CDC73: variants seen among roughly 807,000 people sequenced by gnomAD.
CDC73 encodes parafibromin.
In CDC73, 21 loss-of-function variants were observed where a neutral mutation model predicts 83.7. The ratio of observed to expected loss-of-function variants is 0.25; its 90% CI spans 0.18 to 0.36. The LOEUF (loss-of-function observed/expected upper bound fraction) is 0.36, where lower values mean the gene tolerates loss of function less well. Among genes scored for constraint, CDC73 ranks in the 10% least tolerant of loss-of-function variants. CDC73 has a pLI of 1.00. For missense variants in CDC73, 342 were observed against 653.3 expected (o/e 0.52, Z 5.19); for synonymous variants, 224 against 212.9 (o/e 1.05, Z -0.45).
chr1:193,169,266 TG>T (rs759156819), intron 10 of CDC73, among the ~76,000 whole-genome samples: 33 of 152,126 alleles, frequency 2.2e-4, no homozygotes, highest in Non-Finnish European at 3.1e-4. Flanking sequence ...AGAATGATGC[TG>T]GGTATGGTGG....
At chr1:193,231,446 C>A (rs1348193970) in intron 13 of CDC73, among the ~76,000 whole-genome samples, 1 of 152,136 alleles carries the variant, frequency 6.6e-6, no homozygotes, top group Non-Finnish European at 1.5e-5. Context: ...ATTGCACATA[C>A]TATTAAAACA....
At chr1:193,129,177 T>G (rs1244342720) in intron 2 of CDC73, among the ~76,000 whole-genome samples, 1 of 152,020 alleles carries the variant, frequency 6.6e-6, no homozygotes. Flanking sequence ...TTTGTAGTTT[T>G]AGTAGAGATG....
chr1:193,192,501 TA>T (rs1676935986), intron 10 of CDC73, among the ~76,000 whole-genome samples: 1 of 152,154 alleles, frequency 6.6e-6, no homozygotes, highest in Non-Finnish European at 1.5e-5. Flanking sequence ...TTTTTTTTCC[TA>T]AAGGGCTTTT....
chr1:193,143,272 A>T (rs1169956646), intron 7 of CDC73, among the ~76,000 whole-genome samples: 1 of 152,166 alleles, frequency 6.6e-6, no homozygotes, highest in Non-Finnish European at 1.5e-5. Flanking sequence ...CATTTTTGCT[A>T]TTTACAACAA....
At chr1:193,162,374 A>T (rs1676353954) in intron 10 of CDC73, among the ~76,000 whole-genome samples, 1 of 140,416 alleles carries the variant, frequency 7.1e-6, no homozygotes, top group South Asian at 2.1e-4. Context: ...TAGTGTATAT[A>T]TATATATACA....
intron 10 of CDC73, among the ~76,000 whole-genome samples, chr1:193,177,930 ATCT>A (rs1676639137): frequency 6.6e-6 from 1 of 152,162 alleles, no homozygotes; most frequent in Non-Finnish European, 1.5e-5. Flanking sequence ...TGGTGTTTTC[ATCT>A]TCTTAAGTAC....
chr1:193,251,765 A>T lies in CDC73; in HGVS notation c.*1053A>T, dbSNP rs1391962719. On this transcript the variant is annotated 3_prime_UTR_variant, in exon 17 of 17. Transcript: ENST00000367435. The stretch of plus-strand genomic sequence containing the variant: ...ATATTTTAACTTAGTGAAATATTTT[A>T]CTATTTCTCTACTTCAGACAAAATG... The T allele has an allele frequency of 4.3e-6, 1 of 231,914 alleles. No individual in the cohort carries two copies. Among genetic ancestry groups the T allele is most frequent in the African/African-American group, 2.2e-5 (1 of 45,258 alleles). The allele number at this position is 231,914 out of a possible 1,614,324, so 14.4% of individuals were successfully genotyped here.
intron 13 of CDC73, among the ~76,000 whole-genome samples, chr1:193,225,161 A>G (rs1677544676): frequency 6.6e-6 from 1 of 151,514 alleles, no homozygotes; most frequent in African/African-American, 2.4e-5. Flanking sequence ...GAGTTACTTC[A>G]CTTAGGCTGA....
rs780001207 is a variant in CDC73 at position 193,250,831 on chromosome 1, C to A, written c.*119C>A. 1.6e-5 allele frequency: 15 copies of A among 933,518 alleles called. No homozygotes were observed. The highest frequency in any genetic ancestry group is 2.6e-5 in the Non-Finnish European group (15 of 581,482). The allele number at this position is 933,518 out of a possible 1,614,324, so 57.8% of individuals were successfully genotyped here. On this transcript the variant is annotated 3_prime_UTR_variant, in exon 17 of 17. Transcript: ENST00000367435. ...ATAAGACCTTATTTGATGCTTTGTG[C>A]TTCAAGGAGATGATACCTGTCATCC...
At chr1:193,148,253 CATT>C (rs1676044102) in intron 8 of CDC73, among the ~76,000 whole-genome samples, 1 of 152,196 alleles carries the variant, frequency 6.6e-6, no homozygotes, top group Non-Finnish European at 1.5e-5. Flanking sequence ...CTGGCCTACT[CATT>C]GTTGCTTGGG....
rs1190069611 is a variant in CDC73 at position 193,253,718 on chromosome 1, A to G, written c.*3006A>G. On this transcript the variant is annotated 3_prime_UTR_variant, in exon 17 of 17. Transcript: ENST00000367435. The stretch of plus-strand genomic sequence containing the variant: ...ATTTTTAAGGCAGAAAGAAGTATTA[A>G]TTTTTGATCTGCCATGTAGAATGAG... 2 of 231,506 alleles carry G rather than the reference A, an allele frequency of 8.6e-6. No individual in the cohort carries two copies. The highest frequency in any genetic ancestry group is 4.4e-5 in the African/African-American group (2 of 45,284). 14.3% of individuals were successfully genotyped at this position (231,506 alleles called of 1,614,324 possible). A position where few individuals can be genotyped will look rare whatever the true frequency, so the allele number is the denominator to read the frequency against.
At chr1:193,134,198 A>T (rs1361654346) in intron 3 of CDC73, among the ~76,000 whole-genome samples, 1 of 152,048 alleles carries the variant, frequency 6.6e-6, no homozygotes, top group African/African-American at 2.4e-5. Flanking sequence ...ACTTGCCATT[A>T]TATATAATAT....
chr1:193,129,887 G>C (rs1041114622), intron 2 of CDC73, among the ~76,000 whole-genome samples: 1 of 151,742 alleles, frequency 6.6e-6, no homozygotes, highest in Non-Finnish European at 1.5e-5. Context: ...TAGTCATTTT[G>C]TTCAAATGTG....
intron 14 of CDC73, among the ~76,000 whole-genome samples, chr1:193,233,408 T>G (rs1450643288): frequency 1.3e-5 from 2 of 152,210 alleles, no homozygotes; most frequent in Non-Finnish European, 2.9e-5. Context: ...TTGTTGGTTG[T>G]TTTTTCTCAT....
chr1:193,242,523 C>T (rs1447700549), intron 15 of CDC73, among the ~76,000 whole-genome samples: 1 of 152,160 alleles, frequency 6.6e-6, no homozygotes, highest in Non-Finnish European at 1.5e-5. Context: ...GTGTGATTAT[C>T]TACTCACTGT....
At chr1:193,192,700 G>T (rs1305087888) in intron 10 of CDC73, among the ~76,000 whole-genome samples, 1 of 152,200 alleles carries the variant, frequency 6.6e-6, no homozygotes, top group Non-Finnish European at 1.5e-5. Context: ...CAGTGAAAGA[G>T]CAGGGGGCCA....
chr1:193,232,948 TCACGTGGAATA>T, intron 13 of CDC73, 34 bp from the exon 14 acceptor site: 1 of 1,505,932 alleles, frequency 6.6e-7, no homozygotes, highest in South Asian at 1.2e-5. Flanking sequence ...CCCATTTTCA[TCACGTGGAATA>T]CATTGACTTT....
At chr1:193,236,391 A>G (rs1572217764) in intron 15 of CDC73, 35 bp downstream of exon 15, 1 of 1,270,120 alleles carries the variant, frequency 7.9e-7, no homozygotes, top group Non-Finnish European at 1.2e-6. Flanking sequence ...TATCCAGTAT[A>G]GAAATGTTCT....
intron 10 of CDC73, among the ~76,000 whole-genome samples, chr1:193,171,525 G>A (rs1676518214): frequency 6.6e-6 from 1 of 152,190 alleles, no homozygotes; most frequent in South Asian, 2.1e-4. Context: ...CTGAGGGCTA[G>A]TTCAACCTTC....
Sources: allele counts gnomAD v4.1 joint callset (sites outside exome capture counted in the v4.1 genomes callset), GRCh38; gene constraint gnomAD v4.1.1; transcripts MANE v1.5; gene names NCBI Gene and HGNC (gene_info 2026-07-23, HGNC 2026-07-21).